The following NCOR2 variants were observed in gnomAD, a reference collection of about 807,000 sequenced individuals.
The protein encoded by NCOR2 is nuclear receptor corepressor 2.
In NCOR2, 81 loss-of-function variants were observed where a neutral mutation model predicts 262.9. The observed-to-expected ratio is 0.31, with a 90% CI of 0.26 to 0.37. The LOEUF (loss-of-function observed/expected upper bound fraction) is 0.37, where lower values mean the gene tolerates loss of function less well. Among genes scored for constraint, NCOR2 ranks in the 10% least tolerant of loss-of-function variants. NCOR2 has a pLI of 1.00. For synonymous variants in NCOR2, 1,659 were observed against 1,559.3 expected (o/e 1.06, Z -1.51); for missense variants, 3,385 against 3,621.4 (o/e 0.93, Z 1.68).
At chr12:124,370,078 G>A (rs569419910) in intron 20 of NCOR2, among the ~76,000 whole-genome samples, 1 of 152,172 alleles carries the variant, frequency 6.6e-6, no homozygotes, top group Non-Finnish European at 1.5e-5. Context: ...GCCAGCAGGA[G>A]CGGGGCGGGG....
In NCOR2 at chr12:124,503,636, G is replaced by GGA; in HGVS notation, c.-117-8269_-117-8268insTC. ...GACGGATGGATGGATGGATGGATGG[G>GGA]CGAATGGATGGATGGATGGATGGAT... On this transcript the variant is annotated intron_variant, in intron 1 of 46. Transcript: ENST00000404621. The surrounding 1 kb of genome is among the most constrained non-coding windows in gnomAD (Gnocchi z 4.3). Among the ~76,000 whole-genome samples, 1 of 124,950 alleles carries GGA rather than the reference G, an allele frequency of 8.0e-6. No individual in the cohort carries two copies. The highest frequency in any genetic ancestry group is 1.7e-5 in the Non-Finnish European group (1 of 60,044). The allele number at this position is 124,950 out of a possible 152,430, so 82.0% of individuals were successfully genotyped here. A position where few individuals can be genotyped will look rare whatever the true frequency, so the allele number is the denominator to read the frequency against.
At chr12:124,368,383 G>C (rs893967136) in intron 20 of NCOR2, among the ~76,000 whole-genome samples, 1 of 152,164 alleles carries the variant, frequency 6.6e-6, no homozygotes. Context: ...GTTTCCCCAT[G>C]GTCATCAAGC....
At chr12:124,470,290 A>G (rs1017325458) in intron 4 of NCOR2, among the ~76,000 whole-genome samples, 10 of 152,190 alleles carry the variant, frequency 6.6e-5, no homozygotes, top group Admixed American at 5.9e-4. Flanking sequence ...AACAGCCTGG[A>G]AAGTCATCAG....
intron 34 of NCOR2, 137 bp from the exon 37 acceptor site, chr12:124,340,888 G>C: frequency 1.2e-6 from 1 of 830,936 alleles, no homozygotes; most frequent in Non-Finnish European, 1.6e-6. Context: ...CTCCCTCCTC[G>C]GCTCCCAGCA....
intron 17 of NCOR2, among the ~76,000 whole-genome samples, chr12:124,381,926 C>T (rs1355924115): frequency 2.6e-5 from 4 of 152,360 alleles, no homozygotes; most frequent in African/African-American, 7.2e-5. Flanking sequence ...GGACATGCCC[C>T]GCCCGCCCGG....
At chr12:124,383,418 G>A in intron 17 of NCOR2, 1 of 449,118 alleles carries the variant, frequency 2.2e-6, no homozygotes. Flanking sequence ...GTCCACGCCA[G>A]CGGCTTCACT....
chr12:124,433,897 C>CAA lies in NCOR2; in HGVS notation c.883-3111_883-3110insTT, dbSNP rs1252131574. On this transcript the variant is annotated intron_variant, in intron 8 of 46. Coordinates refer to ENST00000405201, the Ensembl canonical transcript of NCOR2. Reference sequence around the variant, plus strand: ...ACACACACACACACACACACACACACACGCACACACACACACAGGGAAAGA... The same window carrying CAA: ...ACACACACACACACACACACACACACAAACGCACACACACACACAGGGAAAGA... 3.2e-5 allele frequency among the ~76,000 whole-genome samples: 4 copies of CAA among 123,350 alleles called. 1 individual carries two copies. Among genetic ancestry groups the CAA allele is most frequent in the Non-Finnish European group, 4.8e-5 (3 of 62,248 alleles). 80.9% of individuals were successfully genotyped at this position (123,350 alleles called of 152,430 possible). A position where few individuals can be genotyped will look rare whatever the true frequency, so the allele number is the denominator to read the frequency against.
intron 7 of NCOR2, among the ~76,000 whole-genome samples, chr12:124,445,127 C>T (rs981041985): frequency 1.3e-5 from 2 of 152,200 alleles, no homozygotes; most frequent in Admixed American, 6.5e-5. Flanking sequence ...GGCTTCCAGG[C>T]CTGAGGGGGC....
At chr12:124,497,668 C>T (rs191911425), upstream of NCOR2, among the ~76,000 whole-genome samples, 22 of 152,332 alleles carry the variant, frequency 1.4e-4, no homozygotes, top group East Asian at 4.0e-3. The surrounding 1 kb of genome is among the most constrained non-coding windows in gnomAD (Gnocchi z 4.2). Flanking sequence ...ATTCCGACTG[C>T]CTAAGTCCTC....
chr12:124,426,524 C>G, intron 11 of NCOR2, 98 bp downstream of exon 13: 1 of 1,225,982 alleles, frequency 8.2e-7, no homozygotes. Flanking sequence ...AAGCACCCCC[C>G]GGCATGCTCA....
intron 20 of NCOR2, among the ~76,000 whole-genome samples, chr12:124,365,145 AG>A (rs2038929007): frequency 2.0e-5 from 3 of 152,302 alleles, no homozygotes; most frequent in Admixed American, 2.0e-4. Flanking sequence ...TCTCTGTCCT[AG>A]GTCTTCCAAG....
intron 2 of NCOR2, 176 bp downstream of exon 4, chr12:124,486,265 G>A: frequency 2.0e-6 from 2 of 992,186 alleles, no homozygotes; most frequent in South Asian, 1.7e-5. Context: ...GCTCTTCCCT[G>A]CTCGTCCCAT....
chr12:124,346,822 C>T, exon 31 of NCOR2: 1 of 1,580,372 alleles, frequency 6.3e-7, no homozygotes, highest in South Asian at 1.2e-5. Context: ...GGTAGTCCTC[C>T]TGTGCCTCCA....
At chr12:124,498,534 G>A (rs1414132952), upstream of NCOR2, among the ~76,000 whole-genome samples, 5 of 152,058 alleles carry the variant, frequency 3.3e-5, no homozygotes, top group Admixed American at 3.3e-4. Flanking sequence ...AGGAAACCCA[G>A]TTTCCAACCC....
chr12:124,538,233 G>T (rs1280617196), upstream of NCOR2: 2 of 152,540 alleles, frequency 1.3e-5, no homozygotes, highest in Admixed American at 1.3e-4. Flanking sequence ...GGCCAGTGGG[G>T]GCTGGCCCCA....
Position 124,483,572 on chromosome 12 carries a change from TC to T in NCOR2, c.411+23del. The T allele has an allele frequency of 6.5e-7, 1 of 1,536,604 alleles. No individual in the cohort carries two copies. Among genetic ancestry groups the T allele is most frequent in the South Asian group, 1.2e-5 (1 of 80,230 alleles). ...GCAGAACCTCAAGCGGGAGAGGAGC[TC>T]CCAGCTGGGGGCCCAGGCTTACCTT... On this transcript the variant is annotated intron_variant, in intron 3 of 46. Transcript: ENST00000405201. The surrounding 1 kb of genome is among the most constrained non-coding windows in gnomAD (Gnocchi z 6.3).
At chr12:124,336,894 CGATGGTGGCGTGGCCAGA>C (rs1566359497) in exon 38 of NCOR2, 1 of 1,604,488 alleles carries the variant, frequency 6.2e-7, no homozygotes, top group East Asian at 2.2e-5. Context: ...GGGGTGCGGG[CGATGGTGGCGTGGCCAGA>C]GACAGGAGGC....
chr12:124,541,951 T>TG (rs1815419948), intron 1 of NCOR2, among the ~76,000 whole-genome samples: 1 of 104,020 alleles, frequency 9.6e-6, no homozygotes, highest in Non-Finnish European at 2.0e-5. Context: ...TGGAAGGGGA[T>TG]GGGGGCTGTG....
chr12:124,326,080 C>T (rs1025183202), intron 46 of NCOR2, 111 bp downstream of exon 48: 18 of 1,231,982 alleles, frequency 1.5e-5, no homozygotes, highest in Admixed American at 1.0e-4. Flanking sequence ...AGAACAGGCC[C>T]GAGTCTGAGC....
Sources: allele counts gnomAD v4.1 joint callset (sites outside exome capture counted in the v4.1 genomes callset), GRCh38; gene constraint gnomAD v4.1.1; non-coding constraint Gnocchi (gnomAD v3.1); transcripts MANE v1.5; gene names NCBI Gene and HGNC (gene_info 2026-07-23, HGNC 2026-07-21).